The following SOBP variants were observed in gnomAD, a reference collection of about 807,000 sequenced individuals.
SOBP encodes the protein sine oculis-binding protein homolog.
Under a neutral mutation model 53.6 loss-of-function variants are expected in SOBP, and 4 were observed. The ratio of observed to expected loss-of-function variants is 0.07; its 90% CI spans 0.04 to 0.17. SOBP has a LOEUF of 0.17. Among genes scored for constraint, SOBP ranks in the 10% least tolerant of loss-of-function variants. SOBP has a pLI of 1.00. For synonymous variants in SOBP, 584 were observed against 522.6 expected, an observed-to-expected ratio of 1.12 and a Z score of -1.60; for missense variants, 1,088 against 1,204.7, an observed-to-expected ratio of 0.90 and a Z score of 1.43.
At chr6:107,533,636 C>G (rs73762255) in intron 4 of SOBP, 26 bp downstream of exon 4, 1 of 1,613,486 alleles carries the variant, frequency 6.2e-7, no homozygotes, top group East Asian at 2.2e-5. Context: ...AGAGAGGCGG[C>G]CCCCCACAGG....
rs780149896 is a variant in SOBP, at chr6:107,503,674, C to G, written c.114C>G (p.Thr38=). ...TCTTTCAGAACTTTGCAGAAAACAC[C>G]ATGAATGAACTCCTTGGCTGGTATG... is the stretch of plus-strand genomic sequence containing the variant. ...NEEMKNFAEN[T]MNELLGWYGY... The change falls in exon 2 of 7, where the codon ACC becomes ACG. Residue 38 remains threonine, a synonymous_variant. Coordinates refer to ENST00000317357, the MANE Select transcript of SOBP (RefSeq NM_018013.4). 1 of 1,613,952 alleles carries G rather than the reference C, an allele frequency of 6.2e-7. No homozygotes were observed.
At chr6:107,594,504 A>G (rs1200854643) in intron 5 of SOBP, among the ~76,000 whole-genome samples, 2 of 152,164 alleles carry the variant, frequency 1.3e-5, no homozygotes, top group African/African-American at 4.8e-5. Context: ...ACTCAAGGAA[A>G]ACTCTCTACA....
chr6:107,490,885 A>G (rs984557788), intron 1 of SOBP, among the ~76,000 whole-genome samples, 173 bp downstream of exon 1: 1 of 152,014 alleles, frequency 6.6e-6, no homozygotes, highest in African/African-American at 2.4e-5. Flanking sequence ...CGAGGGCTGC[A>G]TCCCCGAAAT....
intron 6 of SOBP, among the ~76,000 whole-genome samples, chr6:107,638,436 C>G (rs1395230987): frequency 1.3e-5 from 2 of 152,152 alleles, no homozygotes; most frequent in Admixed American, 6.5e-5. Context: ...GTCTCGAACT[C>G]CTGACCTCAG....
chr6:107,529,786 A>T (rs928047546), intron 3 of SOBP, among the ~76,000 whole-genome samples: 1 of 152,150 alleles, frequency 6.6e-6, no homozygotes, highest in Non-Finnish European at 1.5e-5. Flanking sequence ...TACAATTTTG[A>T]TTTCATCTTG....
chr6:107,649,261 C>T (rs1427999906), intron 6 of SOBP, among the ~76,000 whole-genome samples: 1 of 149,580 alleles, frequency 6.7e-6, no homozygotes, highest in Non-Finnish European at 1.5e-5. Flanking sequence ...ACAGGAGGAT[C>T]ACTTGAGCCC....
intron 4 of SOBP, among the ~76,000 whole-genome samples, chr6:107,583,235 C>T (rs1785459176): frequency 6.6e-6 from 1 of 152,170 alleles, no homozygotes. Flanking sequence ...CAGGCAGTGG[C>T]TGGGCTGAAG....
intron 4 of SOBP, among the ~76,000 whole-genome samples, chr6:107,583,550 G>A (rs1194504071): frequency 2.6e-5 from 4 of 152,142 alleles, no homozygotes; most frequent in Admixed American, 6.5e-5. Flanking sequence ...TTTTGAGACA[G>A]AGTCTTGCTC....
At chr6:107,527,882 T>C (rs1783710289) in intron 3 of SOBP, among the ~76,000 whole-genome samples, 1 of 152,234 alleles carries the variant, frequency 6.6e-6, no homozygotes, top group African/African-American at 2.4e-5. Context: ...TATGCCATTG[T>C]CTGCTGTGTT....
Position 107,634,930 on chromosome 6 carries a change from G to C in SOBP, c.2086G>C (p.Gly696Arg), listed in dbSNP as rs1770945731. 3.5e-6 allele frequency: 4 copies of C among 1,130,764 alleles called. No individual in the cohort carries two copies. The highest frequency in any genetic ancestry group is 3.9e-5 in the South Asian group (1 of 25,710). The allele number at this position is 1,130,764 out of a possible 1,614,324, so 70.0% of individuals were successfully genotyped here. Residue 696 changes from glycine (G) to arginine (R), a missense_variant, in exon 6 of 7, where the codon GGC becomes CGC. Physicochemically the swap from Gly to Arg is moderately radical, Grantham distance 125. Coordinates refer to ENST00000317357, the MANE Select transcript of SOBP (RefSeq NM_018013.4). The surrounding 1 kb of genome is among the most constrained non-coding windows in gnomAD (Gnocchi z 4.5). The part of the protein sequence containing the change: ...ERRTCGGCRD[G>R]HCSPPAAGDP... ...CAGGACCTGCGGCGGCTGCAGGGAC[G>C]GCCACTGCAGCCCGCCCGCCGCCGG...
intron 3 of SOBP, among the ~76,000 whole-genome samples, chr6:107,512,266 G>A (rs140732068): frequency 3.3e-5 from 5 of 152,244 alleles, no homozygotes; most frequent in African/African-American, 4.8e-5. Flanking sequence ...TTAATTAAAC[G>A]GTAACTTTGC....
intron 6 of SOBP, among the ~76,000 whole-genome samples, chr6:107,651,272 A>G (rs773051039): frequency 6.6e-6 from 1 of 152,180 alleles, no homozygotes; most frequent in Non-Finnish European, 1.5e-5. Flanking sequence ...CTAAATAACA[A>G]ATAAATAAAA....
intron 4 of SOBP, among the ~76,000 whole-genome samples, chr6:107,548,985 C>T (rs956246899): frequency 3.3e-5 from 5 of 151,290 alleles, no homozygotes; most frequent in African/African-American, 7.3e-5. Flanking sequence ...ACAGATAAAC[C>T]GGCCGGGCGC....
At chr6:107,605,765 C>T (rs1386763667) in intron 5 of SOBP, among the ~76,000 whole-genome samples, 2 of 152,194 alleles carry the variant, frequency 1.3e-5, no homozygotes, top group Middle Eastern at 3.2e-3. Flanking sequence ...CCTCTCACTG[C>T]TCAAAATGTG....
chr6:107,616,161 C>G (rs1031670426), intron 5 of SOBP, among the ~76,000 whole-genome samples: 53 of 151,132 alleles, frequency 3.5e-4, no homozygotes, highest in Non-Finnish European at 4.4e-5. Context: ...CCTCTGGAGC[C>G]TTTCCTGTGC....
intron 3 of SOBP, among the ~76,000 whole-genome samples, chr6:107,521,703 G>A (rs1398374116): frequency 2.6e-5 from 4 of 152,118 alleles, no homozygotes; most frequent in African/African-American, 9.7e-5. Context: ...ATACACATTT[G>A]TGTTGAGCAC....
chr6:107,575,048 G>A (rs561797239), intron 4 of SOBP, among the ~76,000 whole-genome samples: 34 of 152,272 alleles, frequency 2.2e-4, no homozygotes, highest in Non-Finnish European at 2.9e-4. Context: ...GTGCTCCTGG[G>A]GCGCACGAGC....
At chr6:107,500,927 A>T (rs1782830204) in intron 1 of SOBP, among the ~76,000 whole-genome samples, 1 of 152,152 alleles carries the variant, frequency 6.6e-6, no homozygotes, top group African/African-American at 2.4e-5. Context: ...ACTACAAAAA[A>T]TTTTGGTGTT....
intron 4 of SOBP, among the ~76,000 whole-genome samples, chr6:107,570,130 G>T (rs1052001409): frequency 6.6e-6 from 1 of 152,182 alleles, no homozygotes; most frequent in Non-Finnish European, 1.5e-5. Flanking sequence ...GAGCAAGTTG[G>T]TGTTTTTTCC....
Sources: allele counts gnomAD v4.1 joint callset (sites outside exome capture counted in the v4.1 genomes callset), GRCh38; gene constraint gnomAD v4.1.1; non-coding constraint Gnocchi (gnomAD v3.1); transcripts MANE v1.5; gene names NCBI Gene and HGNC (gene_info 2026-07-23, HGNC 2026-07-21).